The following DNAH5 variants were observed in gnomAD, a reference collection of about 807,000 sequenced individuals.
DNAH5 encodes the protein dynein axonemal heavy chain 5.
Under a neutral mutation model 518.2 loss-of-function variants are expected in DNAH5, and 372 were observed. The observed-to-expected ratio is 0.72, with a 90% CI of 0.66 to 0.78. DNAH5 has a LOEUF of 0.78. DNAH5 is among the 30% of genes least tolerant of loss of function. The pLI, the probability that DNAH5 is intolerant of heterozygous loss-of-function variation, is 0.00. For missense variants in DNAH5, 5,523 were observed against 5,687.0 expected, an observed-to-expected ratio of 0.97 and a Z score of 0.93; for synonymous variants, 2,039 against 2,025.9, an observed-to-expected ratio of 1.01 and a Z score of -0.17.
At chr5:13,788,050 G>T (rs1356905877) in intron 51 of DNAH5, among the ~76,000 whole-genome samples, 1 of 152,140 alleles carries the variant, frequency 6.6e-6, no homozygotes, top group African/African-American at 2.4e-5. Context: ...GAAAAAAAGT[G>T]GAGCACTGCC....
At chr5:13,808,294 G>A (rs1334098894) in intron 46 of DNAH5, among the ~76,000 whole-genome samples, 1 of 151,080 alleles carries the variant, frequency 6.6e-6, no homozygotes, top group Non-Finnish European at 1.5e-5. Flanking sequence ...AGAACACAGT[G>A]AGAAGGCAGC....
chr5:13,721,223 G>T lies in DNAH5; in HGVS notation c.12056C>A (p.Ser4019Tyr). The stretch of plus-strand genomic sequence containing the variant: ...ACCTTCGGCATATTTTTCTCCCATG[G>T]AGTCCACGATGTACTTGCGGGCCTG... ...IAQARKYIVDSMGEKYAEGVI... is the reference protein window; with the variant it reads ...IAQARKYIVDYMGEKYAEGVI... Residue 4019 changes from serine (S) to tyrosine (Y), a missense_variant, in exon 71 of 79, where the codon TCC (serine) becomes TAC (tyrosine). Transcript: ENST00000265104. 1 of 1,614,074 alleles carries T rather than the reference G, an allele frequency of 6.2e-7. No individual in the cohort carries two copies. Among genetic ancestry groups the T allele is most frequent in the Non-Finnish European group, 8.5e-7 (1 of 1,179,976 alleles).
At chr5:13,919,061 T>A in intron 7 of DNAH5, 115 bp downstream of exon 7, 1 of 1,299,866 alleles carries the variant, frequency 7.7e-7, no homozygotes. Flanking sequence ...TAATTTTAAA[T>A]GTTTTTCATC....
chr5:13,810,419 T>C (rs921305034), intron 44 of DNAH5, 159 bp from the exon 45 acceptor site: 41 of 737,016 alleles, frequency 5.6e-5, no homozygotes, highest in Non-Finnish European at 8.4e-5. Context: ...GAAGAACTGA[T>C]CTCTGAGAAT....
At chr5:13,968,649 T>C (rs999839263) in intron 1 of DNAH5, among the ~76,000 whole-genome samples, 4 of 152,224 alleles carry the variant, frequency 2.6e-5, no homozygotes, top group African/African-American at 9.6e-5. Flanking sequence ...CATCCCTGAA[T>C]CCCTGGTATA....
chr5:13,752,428 A>G, intron 63 of DNAH5, 139 bp from the exon 64 acceptor site: 1 of 1,045,448 alleles, frequency 9.6e-7, no homozygotes, highest in Non-Finnish European at 1.4e-6. Context: ...GTTCCCAAAT[A>G]CAAAACTTGT....
chr5:13,901,909 C>T, intron 13 of DNAH5, 144 bp downstream of exon 13: 1 of 655,890 alleles, frequency 1.5e-6, no homozygotes, highest in South Asian at 1.9e-5. Context: ...CTCTGAAAAA[C>T]TTAAAAACTA....
chr5:13,823,426 T>C, intron 39 of DNAH5, 56 bp from the exon 40 acceptor site: 1 of 1,189,198 alleles, frequency 8.4e-7, no homozygotes, highest in Non-Finnish European at 1.3e-6. Flanking sequence ...CATATCAATA[T>C]GCAGATAAAC....
Position 13,727,675 on chromosome 5 carries a change from A to G in DNAH5, c.11884-19T>C. On this transcript the variant is annotated intron_variant, in intron 69 of 78. Coordinates refer to ENST00000265104, the MANE Select transcript of DNAH5 (RefSeq NM_001369.3). ...TCGATATCTGAAAATACCATGGGAT[A>G]AAAACTGTGTCATGCCACCCAACAA... 2.5e-6 allele frequency: 4 copies of G among 1,613,614 alleles called. No homozygotes were observed. The highest frequency in any genetic ancestry group is 2.2e-5 in the East Asian group (1 of 44,824).
At chr5:13,899,643 C>G (rs1312947721) in intron 15 of DNAH5, 1 of 153,486 alleles carries the variant, frequency 6.5e-6, no homozygotes, top group African/African-American at 2.4e-5. Context: ...AGGGCCCCTG[C>G]ATGGTATTGT....
At position 13,922,232 on chromosome 5, in the gene DNAH5, T is replaced by C. The variant is rs755082450; in HGVS notation, c.535A>G (p.Thr179Ala). 34 of 1,613,878 alleles carry C rather than the reference T, an allele frequency of 2.1e-5. No individual in the cohort carries two copies. Among genetic ancestry groups the C allele is most frequent in the Admixed American group, 6.7e-5 (4 of 59,992 alleles). ...TCGAGCTCGCCCCAGCCATGGCTCG[T>C]GGCTCTGAGAGCAGGAATGAAGATG... ...SDIFIPALRATSHGWGELEGL... is the reference protein window; with the variant it reads ...SDIFIPALRAASHGWGELEGL... The change falls in exon 5 of 79, where the codon ACG becomes GCG. Residue 179 changes from threonine to alanine, a missense_variant. Around this residue, in one of 3 missense-constraint regions of DNAH5, gnomAD observed 5,121 missense variants for 5,223.3 expected, o/e 0.98. Transcript: ENST00000265104.
chr5:13,794,741 A>G (rs1002762756), intron 47 of DNAH5, among the ~76,000 whole-genome samples: 1 of 152,080 alleles, frequency 6.6e-6, no homozygotes, highest in Non-Finnish European at 1.5e-5. Flanking sequence ...AGAGGCGGGC[A>G]GATCACGAGG....
rs574270339 is a variant in DNAH5 at position 13,837,070 on chromosome 5, GA to G, written c.5882+2285del. 6.5e-3 allele frequency among the ~76,000 whole-genome samples: 996 copies of G among 152,276 alleles called. 12 individuals carry two copies. Among genetic ancestry groups the G allele is most frequent in the African/African-American group, 0.023 (940 of 41,542 alleles). ...TTCTGCCAACAACTTGGAAGAGCGG[GA>G]AACAGAACTCAGTCTCTGGGAAGAA... On this transcript the variant is annotated intron_variant, in intron 35 of 78. Coordinates refer to ENST00000265104, the MANE Select transcript of DNAH5 (RefSeq NM_001369.3).
At chr5:13,868,122 C>T (rs1769553921) in intron 24 of DNAH5, 130 bp from the exon 25 acceptor site, 1 of 771,678 alleles carries the variant, frequency 1.3e-6, no homozygotes, top group African/African-American at 1.7e-5. Flanking sequence ...TCTAGTTATT[C>T]TACTTCAAAC....
intron 75 of DNAH5, among the ~76,000 whole-genome samples, chr5:13,713,640 G>A (rs1258955675): frequency 2.7e-5 from 4 of 150,452 alleles, no homozygotes; most frequent in Non-Finnish European, 5.9e-5. Context: ...GCTAAGCTAT[G>A]AGGACGCAAA....
chr5:13,693,821 CATT>C (rs1481389874), intron 78 of DNAH5, among the ~76,000 whole-genome samples: 1 of 152,184 alleles, frequency 6.6e-6, no homozygotes, highest in Non-Finnish European at 1.5e-5. Context: ...TGAAAGTAAT[CATT>C]AGGAACAACC....
intron 17 of DNAH5, among the ~76,000 whole-genome samples, chr5:13,888,513 T>C (rs1043436911): frequency 1.3e-5 from 2 of 152,220 alleles, no homozygotes; most frequent in Admixed American, 6.5e-5. Flanking sequence ...ATCATCCTTT[T>C]CATTTTTCTC....
At chr5:13,877,029 C>T (rs535381165) in intron 21 of DNAH5, among the ~76,000 whole-genome samples, 89 of 152,320 alleles carry the variant, frequency 5.8e-4, no homozygotes, top group Non-Finnish European at 4.3e-4. Context: ...AGTGTTTATT[C>T]AAGAACAATG....
At chr5:13,719,177 T>C in intron 71 of DNAH5, 76 bp from the exon 72 acceptor site, 1 of 1,157,278 alleles carries the variant, frequency 8.6e-7, no homozygotes, top group South Asian at 1.3e-5. Context: ...TCTTTAGAAA[T>C]TAAGTAATTA....
Sources: allele counts gnomAD v4.1 joint callset (sites outside exome capture counted in the v4.1 genomes callset), GRCh38; gene constraint gnomAD v4.1.1; regional missense constraint gnomAD v4.1.1; transcripts MANE v1.5; gene names NCBI Gene and HGNC (gene_info 2026-07-23, HGNC 2026-07-21).